Variants in CPT1A observed in about 807,000 individuals in gnomAD.
CPT1A encodes carnitine O-palmitoyltransferase 1, liver isoform.
CPT1A carries 64 observed loss-of-function variants against 100.8 expected under a neutral mutation model. That is an observed-to-expected ratio of 0.63 (90% CI 0.52 to 0.78). The LOEUF (loss-of-function observed/expected upper bound fraction) is 0.78, where lower values mean the gene tolerates loss of function less well. CPT1A is among the 30% of genes least tolerant of loss of function. The pLI is 0.00. For synonymous variants in CPT1A, 363 were observed against 396.0 expected (o/e 0.92, Z 0.99); for missense variants, 802 against 1,034.1 (o/e 0.78, Z 3.08).
chr11:68,801,226 G>A (rs999503924), intron 5 of CPT1A, among the ~76,000 whole-genome samples: 6 of 152,166 alleles, frequency 3.9e-5, no homozygotes, highest in South Asian at 2.1e-4. Flanking sequence ...CCCGAGCTAC[G>A]CAACACAGAC....
chr11:68,814,999 A>G (rs1856343555), intron 2 of CPT1A, among the ~76,000 whole-genome samples: 1 of 152,136 alleles, frequency 6.6e-6, no homozygotes, highest in South Asian at 2.1e-4. Flanking sequence ...GAAAAATCCT[A>G]TTTGAACAAG....
At chr11:68,767,126 T>A (rs1481317217) in intron 14 of CPT1A, among the ~76,000 whole-genome samples, 1 of 152,098 alleles carries the variant, frequency 6.6e-6, no homozygotes, top group African/African-American at 2.4e-5. Flanking sequence ...GCCTGTTGAC[T>A]GCTTTTCAAC....
rs577984538 is a variant in CPT1A at position 68,793,483 on chromosome 11, C to T, written c.880-81G>A. 2.4e-4 allele frequency: 266 copies of T among 1,089,420 alleles called. 2 individuals are homozygous for T. In the South Asian group the frequency reaches 3.3e-3, roughly 14 times the overall value. 67.5% of individuals were successfully genotyped at this position (1,089,420 alleles called of 1,614,324 possible). A position where few individuals can be genotyped will look rare whatever the true frequency, so the allele number is the denominator to read the frequency against. ...CAAGTTGGCCGGGTGCGGTGGCTCACGCCTGTAATCCCAACACTTTGGGAG... is the reference window on the plus strand; with the variant it reads ...CAAGTTGGCCGGGTGCGGTGGCTCATGCCTGTAATCCCAACACTTTGGGAG... On this transcript the variant is annotated intron_variant, in intron 8 of 18. Transcript: ENST00000265641.
upstream of CPT1A, among the ~76,000 whole-genome samples, chr11:68,843,312 T>C (rs1049482026): frequency 1.3e-5 from 2 of 152,122 alleles, no homozygotes; most frequent in Non-Finnish European, 2.9e-5. The surrounding 1 kb of genome is among the most constrained non-coding windows in gnomAD (Gnocchi z 4.0). Flanking sequence ...CCTTTGACTA[T>C]GCTGTGATCC....
chr11:68,775,759 C>G (rs1308096793), intron 12 of CPT1A, among the ~76,000 whole-genome samples: 3 of 152,200 alleles, frequency 2.0e-5, no homozygotes, highest in Non-Finnish European at 1.5e-5. Flanking sequence ...GGCATCCAAG[C>G]CCTGGTGACA....
Position 68,829,418 on chromosome 11 carries a change from G to A in CPT1A, c.-14+12357C>T, listed in dbSNP as rs75687945. On this transcript the variant is annotated intron_variant, in intron 1 of 18. Transcript: ENST00000265641. ...CCCTGGTGGGAAAAGGTGGTGTCCC[G>A]GGGGACAAAGTTTACACAGCGTGAC... Among the ~76,000 whole-genome samples, 107 of 152,216 alleles carry A rather than the reference G, an allele frequency of 7.0e-4. 1 individual carries two copies. The East Asian group carries it at 0.014, about 21-fold the overall frequency.
At chr11:68,778,171 C>T (rs1855192576) in intron 12 of CPT1A, among the ~76,000 whole-genome samples, 1 of 151,750 alleles carries the variant, frequency 6.6e-6, no homozygotes, top group Non-Finnish European at 1.5e-5. Flanking sequence ...AAGACTCCAA[C>T]CAGAAGTAAG....
intron 1 of CPT1A, among the ~76,000 whole-genome samples, chr11:68,826,014 A>G (rs1195867849): frequency 6.6e-6 from 1 of 152,120 alleles, no homozygotes; most frequent in Non-Finnish European, 1.5e-5. Flanking sequence ...AAAACCGAGG[A>G]ACTCATAAGA....
At chr11:68,759,547 A>G (rs1946760820) in intron 18 of CPT1A, 22 bp downstream of exon 18, 2 of 1,501,216 alleles carry the variant, frequency 1.3e-6, no homozygotes, top group Non-Finnish European at 1.9e-6. Context: ...CTTCAGAAAA[A>G]GGAACTTCTT....
At chr11:68,760,446 A>C in intron 16 of CPT1A, 108 bp from the exon 17 acceptor site, 1 of 856,098 alleles carries the variant, frequency 1.2e-6, no homozygotes, top group South Asian at 1.4e-5. Flanking sequence ...ATTGTTCCAC[A>C]CACCACAAGT....
intron 12 of CPT1A, among the ~76,000 whole-genome samples, chr11:68,776,548 A>G (rs1176164329): frequency 6.6e-6 from 1 of 152,190 alleles, no homozygotes; most frequent in Non-Finnish European, 1.5e-5. Flanking sequence ...CCTGGGGGAG[A>G]AAGGAATGAG....
intron 5 of CPT1A, among the ~76,000 whole-genome samples, chr11:68,803,509 G>C (rs1453127322): frequency 1.3e-5 from 2 of 151,988 alleles, no homozygotes; most frequent in African/African-American, 4.8e-5. Context: ...TCAGGAGTTC[G>C]AGACCAGCCT....
At chr11:68,773,605 C>T (rs995860857) in intron 13 of CPT1A, 176 bp from the exon 14 acceptor site, 2 of 1,152,488 alleles carry the variant, frequency 1.7e-6, no homozygotes, top group Admixed American at 2.3e-5. Flanking sequence ...TCCCTGACCC[C>T]GGAGGAGCAG....
intron 9 of CPT1A, among the ~76,000 whole-genome samples, chr11:68,788,370 G>A (rs7117668): frequency 0.79 from 120,018 of 151,948 alleles, 48,536 homozygotes; most frequent in South Asian, 0.89. Flanking sequence ...AGGCCGAGGC[G>A]GGCGGATCAC....
At chr11:68,790,646 C>T (rs947499070) in intron 9 of CPT1A, among the ~76,000 whole-genome samples, 7 of 152,112 alleles carry the variant, frequency 4.6e-5, no homozygotes, top group African/African-American at 1.7e-4. Context: ...ACTCTGGCCT[C>T]CAGAGCTGTG....
At chr11:68,766,680 G>GT (rs1397264386) in intron 14 of CPT1A, among the ~76,000 whole-genome samples, 1 of 151,782 alleles carries the variant, frequency 6.6e-6, no homozygotes, top group Non-Finnish European at 1.5e-5. Context: ...TAGAGGCAGG[G>GT]TTTCACCATG....
chr11:68,765,925 G>A (rs192165109), intron 14 of CPT1A, among the ~76,000 whole-genome samples: 142 of 151,794 alleles, frequency 9.4e-4, no homozygotes, highest in Admixed American at 2.0e-3. Flanking sequence ...AGGCTGGAGT[G>A]CAGTGGTGTG....
intron 14 of CPT1A, among the ~76,000 whole-genome samples, chr11:68,772,249 A>T (rs1274181430): frequency 6.6e-6 from 1 of 152,160 alleles, no homozygotes; most frequent in Non-Finnish European, 1.5e-5. Flanking sequence ...GCTACTCGGG[A>T]GGCTGAGGCA....
At chr11:68,777,062 G>A (rs1339500627) in intron 12 of CPT1A, among the ~76,000 whole-genome samples, 1 of 152,208 alleles carries the variant, frequency 6.6e-6, no homozygotes, top group Non-Finnish European at 1.5e-5. Flanking sequence ...GCCAGCGAAC[G>A]AACAGACTTG....
Sources: gnomAD v4.1 joint callset for allele counts (sites outside exome capture counted in the v4.1 genomes callset) on GRCh38, gnomAD v4.1.1 for gene constraint, Gnocchi (gnomAD v3.1) non-coding constraint, MANE v1.5 for transcripts, NCBI Gene and HGNC (gene_info 2026-07-23, HGNC 2026-07-21) for gene names.